The following COL11A1 variants were observed in gnomAD, a reference collection of about 807,000 sequenced individuals.
COL11A1 encodes the protein collagen type XI alpha 1 chain.
COL11A1 carries 74 observed loss-of-function variants against 265.2 expected under a neutral mutation model. That is an observed-to-expected ratio of 0.28 (90% CI 0.23 to 0.34). The LOEUF (loss-of-function observed/expected upper bound fraction) is 0.34. Among genes scored for constraint, COL11A1 ranks in the 10% least tolerant of loss-of-function variants. COL11A1 has a pLI of 1.00. For missense variants in COL11A1, 2,165 were observed against 2,263.6 expected (o/e 0.96, Z 0.88); for synonymous variants, 816 against 727.6 (o/e 1.12, Z -1.96).
At chr1:103,078,137 C>T (rs988938103) in intron 3 of COL11A1, among the ~76,000 whole-genome samples, 3 of 152,030 alleles carry the variant, frequency 2.0e-5, no homozygotes, top group African/African-American at 7.2e-5. Context: ...TTACGACCTC[C>T]TACAATGTGT....
chr1:102,905,726 A>T (rs943903273), intron 54 of COL11A1, among the ~76,000 whole-genome samples: 1 of 152,100 alleles, frequency 6.6e-6, no homozygotes, highest in African/African-American at 2.4e-5. Flanking sequence ...TTTACCATAT[A>T]TGTCACATGA....
At chr1:103,059,300 T>G (rs11164659) in intron 4 of COL11A1, among the ~76,000 whole-genome samples, 374 of 152,184 alleles carry the variant, frequency 2.5e-3, no homozygotes, top group African/African-American at 8.6e-3. Context: ...TGAGGGACTG[T>G]GAAGCACTGA....
Position 103,075,896 on chromosome 1 carries a change from G to C in COL11A1, c.489-1116C>G, listed in dbSNP as rs1029938689. On this transcript the variant is annotated intron_variant, in intron 3 of 66. Coordinates refer to ENST00000370096, the MANE Select transcript of COL11A1 (RefSeq NM_001854.4). ...ACTGGCATAGGTGTCTGCTTGGTTTGAATTGAGCAAAGATTTATATAAGGA... is the reference window on the plus strand; with the variant it reads ...ACTGGCATAGGTGTCTGCTTGGTTTCAATTGAGCAAAGATTTATATAAGGA... 2.6e-5 allele frequency among the ~76,000 whole-genome samples: 4 copies of C among 152,024 alleles called. No individual in the cohort carries two copies. In the South Asian group the frequency reaches 6.2e-4, roughly 24 times the overall value.
chr1:102,937,188 T>C (rs1025829855), intron 44 of COL11A1, among the ~76,000 whole-genome samples: 3 of 152,270 alleles, frequency 2.0e-5, no homozygotes, highest in East Asian at 1.9e-4. Context: ...GTAACCCACA[T>C]AGACAAAAGC....
At chr1:102,884,362 G>C (rs1006698917) in intron 63 of COL11A1, 1 of 152,254 alleles carries the variant, frequency 6.6e-6, no homozygotes, top group African/African-American at 2.4e-5. Context: ...CACCAGGAAT[G>C]TCAGGCGACC....
intron 4 of COL11A1, among the ~76,000 whole-genome samples, chr1:103,061,698 C>A (rs1257058738): frequency 6.6e-6 from 1 of 151,772 alleles, no homozygotes. Context: ...TATAACTTTT[C>A]TTTGAGGGAA....
intron 38 of COL11A1, 103 bp from the exon 39 acceptor site, chr1:102,962,863 C>T (rs897388614): frequency 1.5e-5 from 15 of 989,946 alleles, no homozygotes; most frequent in Admixed American, 1.0e-4. Context: ...GTTTATCATC[C>T]TCACTTATTC....
At chr1:103,104,311 A>G (rs147274922) in intron 1 of COL11A1, among the ~76,000 whole-genome samples, 1 of 152,212 alleles carries the variant, frequency 6.6e-6, no homozygotes, top group African/African-American at 2.4e-5. Flanking sequence ...CTCTTTATAC[A>G]ATTTTCTTAG....
intron 46 of COL11A1, among the ~76,000 whole-genome samples, chr1:102,933,658 C>T (rs1339786943): frequency 3.3e-5 from 5 of 152,204 alleles, no homozygotes; most frequent in Non-Finnish European, 7.4e-5. Flanking sequence ...CCTAAGCAAG[C>T]CTGGGCAATG....
chr1:103,014,543 C>A lies in COL11A1; in HGVS notation c.1540G>T (p.Ala514Ser). The change falls in exon 13 of 67, where the codon GCT (alanine) becomes TCT (serine). Residue 514 changes from alanine (A) to serine (S), a missense_variant. Ala to Ser is a moderately conservative substitution (Grantham distance 99, BLOSUM62 1). Transcript: ENST00000370096. The stretch of plus-strand genomic sequence containing the variant: ...TGCTGAAGAATAGCTTGAGCCTGAG[C>A]TTCCTGAGCAGAGATGGTTGGTCCT... ...SKGPTISAQEAQAQAILQQAR... is the reference protein window; with the variant it reads ...SKGPTISAQESQAQAILQQAR... 1.9e-6 allele frequency: 3 copies of A among 1,613,760 alleles called. No individual in the cohort carries two copies. Among genetic ancestry groups the A allele is most frequent in the Non-Finnish European group, 1.7e-6 (2 of 1,179,782 alleles).
At position 102,962,770 on chromosome 1, in the gene COL11A1, A is replaced by T; in HGVS notation, c.2917-10T>A. The T allele has an allele frequency of 6.2e-7, 1 of 1,611,940 alleles. No homozygotes were observed. The highest frequency in any genetic ancestry group is 8.5e-7 in the Non-Finnish European group (1 of 1,178,056). ...TCTCACCGGTTGGTCCCTAAATTAGATAAGCAAAATCACTTTAGATTGCTC... is the reference window on the plus strand; with the variant it reads ...TCTCACCGGTTGGTCCCTAAATTAGTTAAGCAAAATCACTTTAGATTGCTC... On this transcript the variant is annotated splice_polypyrimidine_tract_variant and intron_variant, in intron 38 of 66. Coordinates refer to ENST00000370096, the MANE Select transcript of COL11A1 (RefSeq NM_001854.4).
intron 65 of COL11A1, among the ~76,000 whole-genome samples, chr1:102,881,474 T>G (rs1164729216): frequency 6.6e-6 from 1 of 152,168 alleles, no homozygotes; most frequent in Non-Finnish European, 1.5e-5. Flanking sequence ...GATCCTTGTT[T>G]TCCATAAATT....
intron 4 of COL11A1, among the ~76,000 whole-genome samples, chr1:103,070,187 T>C (rs1671467185): frequency 7.0e-6 from 1 of 142,484 alleles, no homozygotes; most frequent in Non-Finnish European, 1.5e-5. Context: ...GGTGTAGCTA[T>C]GTGTTAAAAT....
intron 4 of COL11A1, among the ~76,000 whole-genome samples, chr1:103,046,745 C>T (rs1032560472): frequency 8.6e-5 from 13 of 150,910 alleles, no homozygotes; most frequent in African/African-American, 2.2e-4. Context: ...TTAGGTCTAA[C>T]GTTTAAGTCT....
Position 102,961,914 on chromosome 1 carries a change from T to G in COL11A1, c.3120A>C (p.Ala1040=), listed in dbSNP as rs1369457330. ...GACCTTCCCCTCCTTTCAGTCCAGG[T>G]GCACCCTGGGAAAAGTGAAAAAAAT... The part of the protein sequence containing the change: ...GERGLPGAQG[A]PGLKGGEGPQ... Residue 1040 remains alanine, a synonymous_variant, in exon 41 of 67, where the codon GCA becomes GCC. Transcript: ENST00000370096. 6.2e-7 allele frequency: 1 copy of G among 1,612,872 alleles called. No homozygotes were observed. Among genetic ancestry groups the G allele is most frequent in the Non-Finnish European group, 8.5e-7 (1 of 1,179,588 alleles).
At chr1:103,025,837 CTT>C in intron 6 of COL11A1, 4 of 1,613,514 alleles carry the variant, frequency 2.5e-6, no homozygotes, top group Non-Finnish European at 3.4e-6. Flanking sequence ...TGCTTGATAA[CTT>C]TTCTTCTTCT....
chr1:103,054,447 T>G (rs1670068474), intron 4 of COL11A1, among the ~76,000 whole-genome samples: 1 of 152,174 alleles, frequency 6.6e-6, no homozygotes, highest in South Asian at 2.1e-4. Context: ...CTTCAGGTAT[T>G]GAAGGCTTCT....
intron 4 of COL11A1, among the ~76,000 whole-genome samples, chr1:103,032,545 G>T (rs1045962792): frequency 1.3e-5 from 2 of 151,962 alleles, no homozygotes; most frequent in African/African-American, 2.4e-5. Context: ...AACTTGAAAA[G>T]ATATAATCAA....
At chr1:102,985,759 A>T (rs965444732) in intron 30 of COL11A1, among the ~76,000 whole-genome samples, 1 of 152,196 alleles carries the variant, frequency 6.6e-6, no homozygotes, top group Non-Finnish European at 1.5e-5. Flanking sequence ...CTGTTTACAC[A>T]TGATAGAGCC....
Sources: allele counts gnomAD v4.1 joint callset (sites outside exome capture counted in the v4.1 genomes callset), GRCh38; gene constraint gnomAD v4.1.1; transcripts MANE v1.5; gene names NCBI Gene and HGNC (gene_info 2026-07-23, HGNC 2026-07-21).